The following MYT1L variants were observed in gnomAD, a reference collection of about 807,000 sequenced individuals.
MYT1L encodes the protein myelin transcription factor 1-like protein.
MYT1L carries 12 observed loss-of-function variants against 126.7 expected under a neutral mutation model. That is an observed-to-expected ratio of 0.09 (90% CI 0.06 to 0.15). The LOEUF (loss-of-function observed/expected upper bound fraction) is 0.15. Among genes scored for constraint, MYT1L ranks in the 10% least tolerant of loss-of-function variants. The pLI is 1.00. For missense variants in MYT1L, 979 were observed against 1,585.2 expected (o/e 0.62, Z 6.49); for synonymous variants, 541 against 604.2 (o/e 0.90, Z 1.53).
At chr2:2,137,358 C>T (rs1353675900) in intron 3 of MYT1L, among the ~76,000 whole-genome samples, 3 of 152,114 alleles carry the variant, frequency 2.0e-5, no homozygotes, top group Non-Finnish European at 4.4e-5. Flanking sequence ...TCATATGGAA[C>T]CAAAAAAGAG....
intron 2 of MYT1L, among the ~76,000 whole-genome samples, chr2:2,249,169 T>C (rs959105431): frequency 6.6e-6 from 1 of 152,036 alleles, no homozygotes; most frequent in African/African-American, 2.4e-5. Flanking sequence ...AAAAAATAAA[T>C]TTTGCAGGAT....
At chr2:2,108,377 G>C (rs1310019770) in intron 3 of MYT1L, among the ~76,000 whole-genome samples, 5 of 152,202 alleles carry the variant, frequency 3.3e-5, no homozygotes, top group Non-Finnish European at 7.3e-5. Context: ...ACAGGGGCAT[G>C]ATTAACCAAG....
At chr2:2,123,824 G>A (rs555611995) in intron 3 of MYT1L, among the ~76,000 whole-genome samples, 2 of 152,306 alleles carry the variant, frequency 1.3e-5, no homozygotes, top group East Asian at 3.9e-4. Flanking sequence ...GTCTCTGTAA[G>A]GGAAAGAGGA....
intron 3 of MYT1L, among the ~76,000 whole-genome samples, chr2:2,090,275 T>TTAA (rs1373315921): frequency 6.6e-6 from 1 of 152,196 alleles, no homozygotes; most frequent in East Asian, 1.9e-4. Flanking sequence ...ACCTCAGAGA[T>TTAA]ACTGCAGGCT....
Position 1,979,806 on chromosome 2 carries a change from G to C in MYT1L, c.1-29C>G, listed in dbSNP as rs769071814. Reference sequence around the variant, plus strand: ...GGGATAGATTAGCAGCCATCAATGTGCTTATCCTGCCTGTGCAGGCCAGCC... The same window carrying C: ...GGGATAGATTAGCAGCCATCAATGTCCTTATCCTGCCTGTGCAGGCCAGCC... On this transcript the variant is annotated intron_variant, in intron 5 of 24. Coordinates refer to ENST00000647738, the MANE Select transcript of MYT1L (RefSeq NM_001303052.2). This position sits in a 1 kb window ranked among gnomAD's most constrained non-coding sequence, Gnocchi z 4.0. 3.2e-5 allele frequency: 51 copies of C among 1,612,774 alleles called. No individual in the cohort carries two copies. Among genetic ancestry groups the C allele is most frequent in the Non-Finnish European group, 4.3e-5 (51 of 1,179,384 alleles).
rs1420278731 is a variant in MYT1L at position 2,150,923 on chromosome 2, G to A, written c.-304+21949C>T. Among the ~76,000 whole-genome samples, 22 of 148,550 alleles carry A rather than the reference G, an allele frequency of 1.5e-4. 1 individual carries two copies. The highest frequency in any genetic ancestry group is 1.3e-3 in the Admixed American group (19 of 14,950). On this transcript the variant is annotated intron_variant, in intron 3 of 24. Coordinates refer to ENST00000647738, the MANE Select transcript of MYT1L (RefSeq NM_001303052.2). The stretch of plus-strand genomic sequence containing the variant: ...GGAGGGAGGGAGGGAGACGGAGGGA[G>A]GGAGGGAGATGGAGGGAAGACAAAA...
chr2:1,861,012 C>T (rs886865810), intron 18 of MYT1L, among the ~76,000 whole-genome samples: 2 of 152,310 alleles, frequency 1.3e-5, no homozygotes, highest in African/African-American at 4.8e-5. Flanking sequence ...TGTGCACACA[C>T]ACTCACTCCT....
chr2:2,148,001 G>A (rs924945224), intron 3 of MYT1L, among the ~76,000 whole-genome samples: 3 of 152,206 alleles, frequency 2.0e-5, no homozygotes, highest in African/African-American at 7.2e-5. Flanking sequence ...GCCAGATAGA[G>A]AATGCTGTTG....
At chr2:2,053,667 G>A (rs1025029599) in intron 4 of MYT1L, among the ~76,000 whole-genome samples, 5 of 152,096 alleles carry the variant, frequency 3.3e-5, no homozygotes, top group Admixed American at 6.5e-5. Flanking sequence ...TTGTACAAGG[G>A]AGCTTCTCTA....
chr2:2,062,327 C>T lies in MYT1L; in HGVS notation c.-303-8204G>A, dbSNP rs1022825530. 2.6e-5 allele frequency among the ~76,000 whole-genome samples: 4 copies of T among 152,196 alleles called. No homozygotes were observed. The South Asian group carries it at 6.2e-4, about 24-fold the overall frequency. On this transcript the variant is annotated intron_variant, in intron 3 of 24. Transcript: ENST00000647738. ...TGACTCTATCCCAAATTCCCAATTA[C>T]GTCCTATCTTCTTCTTAGGGAAGAA...
In MYT1L at chr2:2,304,250, A is replaced by G. The variant is rs530351614; in HGVS notation, c.-520-19747T>C. Among the ~76,000 whole-genome samples, 57 of 152,380 alleles carry G rather than the reference A, an allele frequency of 3.7e-4. No individual in the cohort carries two copies. The South Asian group carries it at 0.012, about 31-fold the overall frequency. Reference sequence around the variant, plus strand: ...TCATAATACACATTCTCCAGGGGATACAGTCTGGTGTTGGGTAAAGTAATA... The same window carrying G: ...TCATAATACACATTCTCCAGGGGATGCAGTCTGGTGTTGGGTAAAGTAATA... On this transcript the variant is annotated intron_variant, in intron 1 of 24. Coordinates refer to ENST00000647738, the MANE Select transcript of MYT1L (RefSeq NM_001303052.2).
At position 2,059,709 on chromosome 2, in the gene MYT1L, T is replaced by A. The variant is rs530980401; in HGVS notation, c.-303-5586A>T. On this transcript the variant is annotated intron_variant, in intron 3 of 24. Transcript: ENST00000647738. The surrounding 1 kb of genome is among the most constrained non-coding windows in gnomAD (Gnocchi z 4.7). ...GTAGGCTCTTCACCTTTCAGAATCA[T>A]CGCAGTTAAAAAAAGAAAGAATAAG... Among the ~76,000 whole-genome samples, 25 of 152,072 alleles carry A rather than the reference T, an allele frequency of 1.6e-4. No homozygotes were observed. The highest frequency in any genetic ancestry group is 2.9e-4 in the Non-Finnish European group (20 of 68,026).
intron 4 of MYT1L, among the ~76,000 whole-genome samples, chr2:2,021,898 A>G (rs1022392904): frequency 6.6e-6 from 1 of 152,172 alleles, no homozygotes; most frequent in Non-Finnish European, 1.5e-5. Flanking sequence ...CTCCATCTCA[A>G]AAAACAAAAA....
At chr2:2,156,399 T>C (rs976007222) in intron 3 of MYT1L, among the ~76,000 whole-genome samples, 1 of 152,214 alleles carries the variant, frequency 6.6e-6, no homozygotes. Flanking sequence ...GAGAACTGAG[T>C]GTGCAGTCTT....
intron 9 of MYT1L, among the ~76,000 whole-genome samples, chr2:1,937,067 G>A (rs755468462): frequency 3.3e-5 from 5 of 152,182 alleles, no homozygotes; most frequent in Non-Finnish European, 7.3e-5. Context: ...CCATGCACAG[G>A]ACTGATTTAC....
chr2:1,847,522 G>T (rs2148481230), intron 19 of MYT1L, among the ~76,000 whole-genome samples: 1 of 152,286 alleles, frequency 6.6e-6, no homozygotes, highest in Admixed American at 6.5e-5. Context: ...AGGCCTGTCT[G>T]GCGGGACCTG....
chr2:1,791,606 G>T lies in MYT1L; in HGVS notation c.*261C>A. 2.2e-6 allele frequency: 1 copy of T among 446,410 alleles called. No individual in the cohort carries two copies. Among genetic ancestry groups the T allele is most frequent in the Non-Finnish European group, 4.0e-6 (1 of 251,262 alleles). The allele number at this position is 446,410 out of a possible 1,614,324, so 27.7% of individuals were successfully genotyped here. A position where few individuals can be genotyped will look rare whatever the true frequency, so the allele number is the denominator to read the frequency against. On this transcript the variant is annotated 3_prime_UTR_variant, in exon 25 of 25. Transcript: ENST00000647738. This position sits in a 1 kb window ranked among gnomAD's most constrained non-coding sequence, Gnocchi z 6.0. Reference sequence around the variant, plus strand: ...CAGAAATAGATATACCCCCAAATGTGCATACATCAGCAGCTATAAACATTA... The same window carrying T: ...CAGAAATAGATATACCCCCAAATGTTCATACATCAGCAGCTATAAACATTA...
At chr2:2,185,681 G>A (rs1217452799) in intron 2 of MYT1L, among the ~76,000 whole-genome samples, 29 of 140,158 alleles carry the variant, frequency 2.1e-4, no homozygotes, top group Non-Finnish European at 3.7e-4. Context: ...ACGTGAGGGG[G>A]ACGCAGCCGG....
At chr2:1,941,667 A>ATGTG (rs35418835) in intron 9 of MYT1L, among the ~76,000 whole-genome samples, 1 of 151,748 alleles carries the variant, frequency 6.6e-6, no homozygotes, top group African/African-American at 2.4e-5. Flanking sequence ...TATGTAATGC[A>ATGTG]TGTGTGTGTG....
Sources: allele counts gnomAD v4.1 joint callset (sites outside exome capture counted in the v4.1 genomes callset), GRCh38; gene constraint gnomAD v4.1.1; non-coding constraint Gnocchi (gnomAD v3.1); transcripts MANE v1.5; gene names NCBI Gene and HGNC (gene_info 2026-07-23, HGNC 2026-07-21).